Variants in ZNF804B observed in about 807,000 individuals in gnomAD.
ZNF804B encodes the protein zinc finger protein 804B.
Under a neutral mutation model 101.4 loss-of-function variants are expected in ZNF804B, and 80 were observed. The ratio of observed to expected loss-of-function variants is 0.79; its 90% CI spans 0.66 to 0.95. The LOEUF is 0.95. ZNF804B is among the 40% of genes least tolerant of loss of function. The pLI, the probability that ZNF804B is intolerant of heterozygous loss-of-function variation, is 0.00. For missense variants in ZNF804B, 1,673 were observed against 1,561.9 expected (o/e 1.07, Z -1.20); for synonymous variants, 622 against 558.8 (o/e 1.11, Z -1.59).
intron 2 of ZNF804B, among the ~76,000 whole-genome samples, chr7:89,266,323 G>C (rs12704452): frequency 0.12 from 18,537 of 151,874 alleles, 1,214 homozygotes; most frequent in Middle Eastern, 0.26. Flanking sequence ...CATGATAAAG[G>C]TCATATTTGC....
chr7:89,145,888 C>A (rs1022838499), intron 1 of ZNF804B, among the ~76,000 whole-genome samples: 3 of 151,960 alleles, frequency 2.0e-5, no homozygotes, highest in Admixed American at 6.6e-5. Context: ...TATTTCTTAA[C>A]CTTTAAAGAC....
intron 2 of ZNF804B, among the ~76,000 whole-genome samples, chr7:89,325,210 A>T (rs1228290113): frequency 6.6e-6 from 1 of 151,898 alleles, no homozygotes. Flanking sequence ...TCTCTACTTA[A>T]ACTTGAGCAC....
chr7:89,048,238 C>T (rs1789144006), intron 1 of ZNF804B, among the ~76,000 whole-genome samples: 2 of 148,332 alleles, frequency 1.3e-5, no homozygotes, highest in African/African-American at 2.6e-5. Context: ...TGGAATACTA[C>T]TCAGCTGTAA....
intron 2 of ZNF804B, among the ~76,000 whole-genome samples, chr7:89,308,571 T>C (rs929344671): frequency 6.6e-6 from 1 of 152,206 alleles, no homozygotes; most frequent in African/African-American, 2.4e-5. Context: ...ATTACCTCTT[T>C]CTTTTACCAC....
intron 1 of ZNF804B, among the ~76,000 whole-genome samples, chr7:89,196,375 G>C (rs1168397479): frequency 2.0e-5 from 3 of 152,146 alleles, no homozygotes; most frequent in African/African-American, 7.2e-5. Context: ...ATAAGCAATA[G>C]GGAAAGGACT....
chr7:89,334,583 C>T lies in ZNF804B; in HGVS notation c.1601C>T (p.Pro534Leu), dbSNP rs201446572. The T allele has an allele frequency of 4.0e-4, 643 of 1,613,552 alleles. No homozygotes were observed. Among genetic ancestry groups the T allele is most frequent in the Non-Finnish European group, 4.7e-4 (552 of 1,179,828 alleles). ...QKLIQEDYQY[P>L]KPKTMIANPD... ...TTGATCCAAGAAGATTATCAATATC[C>T]GAAACCAAAGACGATGATAGCTAAT... The change falls in exon 4 of 4, where the codon CCG (proline) becomes CTG (leucine). Residue 534 changes from proline to leucine, a missense_variant. Coordinates refer to ENST00000333190, the MANE Select transcript of ZNF804B (RefSeq NM_181646.5).
At position 89,333,517 on chromosome 7, in the gene ZNF804B, G is replaced by C. The variant is rs150823294; in HGVS notation, c.535G>C (p.Asp179His). 1,061 of 1,613,376 alleles carry C rather than the reference G, an allele frequency of 6.6e-4. 3 individuals are homozygous for C. Among genetic ancestry groups the C allele is most frequent in the Middle Eastern group, 4.6e-3 (28 of 6,058 alleles). The change falls in exon 4 of 4, where the codon GAT becomes CAT. Residue 179 changes from aspartate to histidine, a missense_variant. Asp to His is a moderately conservative substitution (Grantham distance 81). Transcript: ENST00000333190. ...KGKNLPRIISDKQRSTMPNRH... is the reference protein window; with the variant it reads ...KGKNLPRIISHKQRSTMPNRH... ...AAAAAATCTCCCCAGAATCATATCCGATAAACAGCGGTCCACCATGCCAAA... is the reference window on the plus strand; with the variant it reads ...AAAAAATCTCCCCAGAATCATATCCCATAAACAGCGGTCCACCATGCCAAA...
intron 2 of ZNF804B, among the ~76,000 whole-genome samples, chr7:89,270,293 GT>G (rs1290148046): frequency 2.0e-5 from 3 of 152,212 alleles, no homozygotes; most frequent in Admixed American, 6.5e-5. Context: ...TGGCTAGCCA[GT>G]TTCCCCAGCA....
chr7:89,156,178 A>G (rs995033089), intron 1 of ZNF804B, among the ~76,000 whole-genome samples: 2 of 151,264 alleles, frequency 1.3e-5, no homozygotes, highest in Non-Finnish European at 2.9e-5. Flanking sequence ...CAGTGGCACA[A>G]TCTTGGCTCC....
intron 1 of ZNF804B, among the ~76,000 whole-genome samples, chr7:88,774,764 TG>T (rs1411062955): frequency 6.6e-6 from 1 of 152,100 alleles, no homozygotes; most frequent in African/African-American, 2.4e-5. Context: ...TCTGCTTTGA[TG>T]GGGTAGGTTT....
At chr7:88,768,538 C>T (rs1361724303) in intron 1 of ZNF804B, among the ~76,000 whole-genome samples, 1 of 152,018 alleles carries the variant, frequency 6.6e-6, no homozygotes, top group African/African-American at 2.4e-5. Context: ...GGCAAGATGG[C>T]AAAACCCATC....
At chr7:89,284,762 A>T (rs1247318347) in intron 2 of ZNF804B, among the ~76,000 whole-genome samples, 4 of 152,176 alleles carry the variant, frequency 2.6e-5, no homozygotes. Context: ...AAGGTGAAAG[A>T]TCTAAAGCTA....
At chr7:89,017,389 G>C (rs935474403) in intron 1 of ZNF804B, among the ~76,000 whole-genome samples, 2 of 152,158 alleles carry the variant, frequency 1.3e-5, no homozygotes, top group Admixed American at 6.5e-5. Flanking sequence ...TAGGAGTGTT[G>C]AGAGAGGGCA....
intron 2 of ZNF804B, among the ~76,000 whole-genome samples, chr7:89,253,030 C>T (rs1789566391): frequency 6.6e-6 from 1 of 151,456 alleles, no homozygotes; most frequent in African/African-American, 2.4e-5. Flanking sequence ...TGAAAGTTGA[C>T]ATTATTAAAA....
intron 1 of ZNF804B, among the ~76,000 whole-genome samples, chr7:88,889,154 G>T (rs947305464): frequency 6.6e-6 from 1 of 152,036 alleles, no homozygotes. Flanking sequence ...ATTCTTCCAT[G>T]GTGTATATAT....
At position 89,050,742 on chromosome 7, in the gene ZNF804B, A is replaced by G. The variant is rs185056887; in HGVS notation, c.109-167413A>G. On this transcript the variant is annotated intron_variant, in intron 1 of 3. Transcript: ENST00000333190. ...CTTTTTCAAAACAGTTCATTTTCAT[A>G]TATCAAAACCGGCTCATTATAACAA... is the stretch of plus-strand genomic sequence containing the variant. 2.6e-5 allele frequency among the ~76,000 whole-genome samples: 4 copies of G among 152,266 alleles called. No individual in the cohort carries two copies. The East Asian group carries it at 7.7e-4, about 29-fold the overall frequency.
chr7:89,151,379 A>G (rs1790873545), intron 1 of ZNF804B, among the ~76,000 whole-genome samples: 1 of 152,064 alleles, frequency 6.6e-6, no homozygotes, highest in Non-Finnish European at 1.5e-5. Context: ...TAACGTCATC[A>G]TCCTCCCATC....
chr7:88,939,628 G>A (rs534569858), intron 1 of ZNF804B, among the ~76,000 whole-genome samples: 99 of 151,738 alleles, frequency 6.5e-4, no homozygotes, highest in Non-Finnish European at 9.1e-4. Context: ...AGCCACAGTC[G>A]TGCACTAGAT....
chr7:89,249,790 C>A (rs900563594), intron 2 of ZNF804B, among the ~76,000 whole-genome samples: 5 of 151,944 alleles, frequency 3.3e-5, no homozygotes, highest in Admixed American at 1.3e-4. Context: ...TAAAATCACA[C>A]CAGAAGTGAA....
Sources: gnomAD v4.1 joint callset for allele counts (sites outside exome capture counted in the v4.1 genomes callset) on GRCh38, gnomAD v4.1.1 for gene constraint, MANE v1.5 for transcripts, NCBI Gene and HGNC (gene_info 2026-07-23, HGNC 2026-07-21) for gene names.